Variants in CTNNA2 observed in about 807,000 individuals in gnomAD.
CTNNA2 encodes catenin alpha-2.
A neutral mutation model predicts 101.0 loss-of-function variants in CTNNA2; 42 were observed. The observed-to-expected ratio is 0.42, with a 90% CI of 0.32 to 0.54. The LOEUF (loss-of-function observed/expected upper bound fraction) is 0.54, where lower values mean the gene tolerates loss of function less well. CTNNA2 is among the 20% of genes least tolerant of loss of function. The pLI, the probability that CTNNA2 is intolerant of heterozygous loss-of-function variation, is 0.14. For missense variants in CTNNA2, 871 were observed against 1,223.1 expected, an observed-to-expected ratio of 0.71 and a Z score of 4.29; for synonymous variants, 450 against 456.4, an observed-to-expected ratio of 0.99 and a Z score of 0.18.
intron 2 of CTNNA2, among the ~76,000 whole-genome samples, chr2:79,215,800 A>T (rs558199365): frequency 6.6e-6 from 1 of 152,156 alleles, no homozygotes; most frequent in African/African-American, 2.4e-5. Context: ...ACTGTAAGCC[A>T]GACCGGGTGT....
intron 2 of CTNNA2, among the ~76,000 whole-genome samples, chr2:79,729,239 G>C (rs1042200407): frequency 2.6e-5 from 4 of 152,104 alleles, no homozygotes; most frequent in African/African-American, 7.2e-5. Context: ...TCCCCTTGTG[G>C]TTGTATGTTC....
intron 1 of CTNNA2, among the ~76,000 whole-genome samples, chr2:79,197,293 A>G (rs1026551333): frequency 3.3e-5 from 5 of 152,126 alleles, no homozygotes; most frequent in Non-Finnish European, 5.9e-5. Flanking sequence ...AAAGCTTTAG[A>G]GTGAACAAAA....
intron 2 of CTNNA2, among the ~76,000 whole-genome samples, chr2:79,238,911 A>G (rs1234323563): frequency 2.0e-5 from 3 of 152,200 alleles, no homozygotes; most frequent in Non-Finnish European, 4.4e-5. Context: ...GAATTAAGAT[A>G]AGGCCTAAGG....
At position 80,399,075 on chromosome 2, in the gene CTNNA2, A is replaced by ATTT. The variant is rs375797544; in HGVS notation, c.1137+5798_1137+5800dup. Among the ~76,000 whole-genome samples the ATTT allele has an allele frequency of 6.1e-3, 845 of 137,512 alleles. 18 individuals carry two copies. Among genetic ancestry groups the ATTT allele is most frequent in the Middle Eastern group, 0.033 (9 of 274 alleles). The allele number at this position is 137,512 out of a possible 152,430, so 90.2% of individuals were successfully genotyped here. ...AAGCATGTGCCACCACGCCTGGCTA[A>ATTT]TTTTTTTTTTTTTTTTAGCAGAGAC... is the stretch of plus-strand genomic sequence containing the variant. On this transcript the variant is annotated intron_variant, in intron 8 of 18. Transcript: ENST00000402739.
At chr2:80,568,434 G>A (rs1274215853) in intron 12 of CTNNA2, among the ~76,000 whole-genome samples, 1 of 152,138 alleles carries the variant, frequency 6.6e-6, no homozygotes, top group Non-Finnish European at 1.5e-5. Context: ...CTAGAAGCAG[G>A]ACAAGGGTTT....
intron 7 of CTNNA2, among the ~76,000 whole-genome samples, chr2:80,269,527 G>A (rs781613472): frequency 9.9e-5 from 15 of 152,034 alleles, no homozygotes; most frequent in Admixed American, 3.3e-4. Flanking sequence ...ATTCATCGGT[G>A]CTCTTGCAAT....
intron 2 of CTNNA2, among the ~76,000 whole-genome samples, chr2:79,209,391 T>G (rs1674140937): frequency 1.3e-5 from 2 of 152,192 alleles, no homozygotes; most frequent in Admixed American, 6.5e-5. Flanking sequence ...GAAAAAACAG[T>G]TTTGTCTCCA....
chr2:79,964,402 T>C (rs1332042759), intron 7 of CTNNA2, among the ~76,000 whole-genome samples: 3 of 152,072 alleles, frequency 2.0e-5, no homozygotes, highest in Non-Finnish European at 4.4e-5. Flanking sequence ...CATTCAAATA[T>C]GGGTTTGGAA....
intron 1 of CTNNA2, among the ~76,000 whole-genome samples, chr2:79,601,901 C>T (rs1358295028): frequency 6.6e-6 from 1 of 152,204 alleles, no homozygotes; most frequent in Non-Finnish European, 1.5e-5. Context: ...TACTGAACAT[C>T]ACATCTTAGT....
chr2:80,544,686 C>T (rs1209179644), intron 9 of CTNNA2, among the ~76,000 whole-genome samples: 1 of 152,076 alleles, frequency 6.6e-6, no homozygotes, highest in Non-Finnish European at 1.5e-5. Context: ...TCTTAGGAGG[C>T]TCCAGAGAGT....
At chr2:79,320,028 A>G (rs1362308507) in intron 3 of CTNNA2, 3 of 152,110 alleles carry the variant, frequency 2.0e-5, no homozygotes, top group African/African-American at 7.2e-5. Flanking sequence ...TATCAGATAA[A>G]CATTTTTTGA....
chr2:80,516,073 G>T (rs1689085821), intron 9 of CTNNA2, among the ~76,000 whole-genome samples: 1 of 152,138 alleles, frequency 6.6e-6, no homozygotes, highest in South Asian at 2.1e-4. Context: ...ACAACAGTGG[G>T]ATTCATTATG....
At chr2:79,227,528 T>A (rs1390171939) in intron 2 of CTNNA2, among the ~76,000 whole-genome samples, 1 of 152,168 alleles carries the variant, frequency 6.6e-6, no homozygotes, top group Non-Finnish European at 1.5e-5. Flanking sequence ...ACCTCAGAGA[T>A]ACTGCAAGTT....
intron 7 of CTNNA2, among the ~76,000 whole-genome samples, chr2:80,157,298 C>T (rs184190901): frequency 5.2e-4 from 79 of 152,218 alleles, no homozygotes; most frequent in Non-Finnish European, 8.5e-4. Context: ...AACAGGAAAG[C>T]GGGGGCGTGG....
intron 7 of CTNNA2, among the ~76,000 whole-genome samples, chr2:80,188,971 T>C (rs1176202401): frequency 8.4e-6 from 1 of 118,864 alleles, no homozygotes; most frequent in Non-Finnish European, 1.7e-5. Flanking sequence ...TTTTTTTTTT[T>C]GAGACAGAGC....
At chr2:79,663,659 C>G (rs900236563) in intron 2 of CTNNA2, among the ~76,000 whole-genome samples, 1 of 152,126 alleles carries the variant, frequency 6.6e-6, no homozygotes, top group African/African-American at 2.4e-5. Flanking sequence ...TACATGCCTC[C>G]TGCCCCACCT....
At chr2:80,296,469 G>A (rs1230278392) in intron 7 of CTNNA2, among the ~76,000 whole-genome samples, 1 of 152,032 alleles carries the variant, frequency 6.6e-6, no homozygotes, top group Non-Finnish European at 1.5e-5. Flanking sequence ...TTTAAGTTTT[G>A]CCATATGTTC....
chr2:79,837,369 A>T (rs891748066), intron 3 of CTNNA2, among the ~76,000 whole-genome samples: 2 of 152,190 alleles, frequency 1.3e-5, no homozygotes, highest in Admixed American at 1.3e-4. Flanking sequence ...AGCTGATTAG[A>T]TTGTGAGGAC....
At chr2:80,424,312 T>C (rs1471581979) in intron 9 of CTNNA2, among the ~76,000 whole-genome samples, 1 of 152,214 alleles carries the variant, frequency 6.6e-6, no homozygotes, top group Non-Finnish European at 1.5e-5. Flanking sequence ...ATTGTCTGAC[T>C]GATGACTGGA....
Sources: gnomAD v4.1 joint callset for allele counts (sites outside exome capture counted in the v4.1 genomes callset) on GRCh38, gnomAD v4.1.1 for gene constraint, MANE v1.5 for transcripts, NCBI Gene and HGNC (gene_info 2026-07-23, HGNC 2026-07-21) for gene names.